The following MORC1 variants were observed in gnomAD, a reference collection of about 807,000 sequenced individuals.
The protein encoded by MORC1 is MORC family CW-type zinc finger 1.
In MORC1, 59 loss-of-function variants were observed where a neutral mutation model predicts 134.9. The ratio of observed to expected loss-of-function variants is 0.44; its 90% CI spans 0.35 to 0.54. MORC1 has a LOEUF of 0.54. MORC1 is among the 20% of genes least tolerant of loss of function. MORC1 has a pLI of 0.00. For missense variants in MORC1, 947 were observed against 1,134.5 expected (o/e 0.83, Z 2.37); for synonymous variants, 395 against 391.7 (o/e 1.01, Z -0.10).
chr3:109,078,116 C>A (rs1950457140), intron 8 of MORC1, among the ~76,000 whole-genome samples: 1 of 151,900 alleles, frequency 6.6e-6, no homozygotes, highest in Non-Finnish European at 1.5e-5. Context: ...AATGTATGTA[C>A]ATAGCAATAA....
chr3:109,090,946 C>T (rs532801898), intron 8 of MORC1, among the ~76,000 whole-genome samples: 59 of 152,056 alleles, frequency 3.9e-4, no homozygotes, highest in Admixed American at 3.3e-3. Context: ...ATTAGAGGTT[C>T]AAATATCAGA....
rs548388585 is a variant in MORC1 at position 109,067,156 on chromosome 3, A to C, written c.815+2476T>G. Reference sequence around the variant, plus strand: ...AAAAAGGACCATGCGGTTCCTATGAATGCACAGTAACACCCATCCCAACTC... The same window carrying C: ...AAAAAGGACCATGCGGTTCCTATGACTGCACAGTAACACCCATCCCAACTC... On this transcript the variant is annotated intron_variant, in intron 9 of 27. Coordinates refer to ENST00000232603, the MANE Select transcript of MORC1 (RefSeq NM_014429.4). Among the ~76,000 whole-genome samples, 3 of 152,312 alleles carry C rather than the reference A, an allele frequency of 2.0e-5. No homozygotes were observed. The East Asian group carries it at 5.8e-4, about 29-fold the overall frequency.
intron 21 of MORC1, 133 bp downstream of exon 21, chr3:109,000,424 G>T: frequency 1.6e-6 from 1 of 639,828 alleles, no homozygotes; most frequent in East Asian, 2.8e-5. Flanking sequence ...AAACTTTTCT[G>T]AGTCTTATTT....
At chr3:108,978,573 G>T (rs1482898354) in intron 24 of MORC1, among the ~76,000 whole-genome samples, 1 of 152,144 alleles carries the variant, frequency 6.6e-6, no homozygotes, top group Non-Finnish European at 1.5e-5. Context: ...GTCTACTGGG[G>T]TTAGCAGTCT....
Position 109,093,555 on chromosome 3 carries a change from A to C in MORC1, c.584-14T>G, listed in dbSNP as rs780498632. On this transcript the variant is annotated splice_polypyrimidine_tract_variant and intron_variant, in intron 7 of 27. Coordinates refer to ENST00000232603, the MANE Select transcript of MORC1 (RefSeq NM_014429.4). The stretch of plus-strand genomic sequence containing the variant: ...CCAGCAAAGTACCTGGTAGAAAAAT[A>C]GATGTTTGACTTGTCAGTATTTTAA... 1.4e-5 allele frequency: 22 copies of C among 1,559,684 alleles called. No individual in the cohort carries two copies. Among genetic ancestry groups the C allele is most frequent in the South Asian group, 3.3e-5 (3 of 89,860 alleles).
intron 11 of MORC1, among the ~76,000 whole-genome samples, chr3:109,060,374 C>A (rs1439234661): frequency 5.9e-5 from 9 of 151,620 alleles, no homozygotes; most frequent in Non-Finnish European, 2.9e-5. Context: ...TTATAGGATA[C>A]CCCATGCCCA....
intron 17 of MORC1, among the ~76,000 whole-genome samples, chr3:109,017,428 CAT>C (rs1044853753): frequency 3.3e-5 from 5 of 152,100 alleles, no homozygotes; most frequent in Admixed American, 6.6e-5. Context: ...TAAATTTGCA[CAT>C]GTTAAGTGTA....
chr3:108,999,259 C>T (rs1333408687), intron 21 of MORC1, among the ~76,000 whole-genome samples: 1 of 152,094 alleles, frequency 6.6e-6, no homozygotes, highest in Non-Finnish European at 1.5e-5. Context: ...ATTATGTCTG[C>T]ACCTTTTTAA....
intron 5 of MORC1, 28 bp downstream of exon 5, chr3:109,100,389 T>C (rs775015702): frequency 6.6e-7 from 1 of 1,508,976 alleles, no homozygotes; most frequent in South Asian, 1.1e-5. Flanking sequence ...ATCAATAATA[T>C]ATGTCTTAAG....
chr3:109,099,353 C>T lies in MORC1; in HGVS notation c.423+5G>A, dbSNP rs1576742517. ...TGGGAACAGAAGGAAAACTTCAACTCTTACCTCACTAAGACTTTCTTCTTC... is the reference window on the plus strand; with the variant it reads ...TGGGAACAGAAGGAAAACTTCAACTTTTACCTCACTAAGACTTTCTTCTTC... On this transcript the variant is annotated splice_donor_5th_base_variant and intron_variant, in intron 6 of 27. Transcript: ENST00000232603. The T allele has an allele frequency of 6.3e-7, 1 of 1,599,932 alleles. No homozygotes were observed. Among genetic ancestry groups the T allele is most frequent in the Non-Finnish European group, 8.5e-7 (1 of 1,172,434 alleles).
intron 14 of MORC1, among the ~76,000 whole-genome samples, chr3:109,053,211 G>C (rs1464599141): frequency 2.6e-5 from 4 of 152,052 alleles, no homozygotes; most frequent in African/African-American, 9.7e-5. Flanking sequence ...AACCAGTCTG[G>C]AGATTTCTTT....
In MORC1 at chr3:109,085,150, G is replaced by A. The variant is rs985117735; in HGVS notation, c.689+8286C>T. ...TGTCTGTCTGTGTATGTGTCTGTGT[G>A]TGTGTGTCTATCTGTGTATGTGTCT... On this transcript the variant is annotated intron_variant, in intron 8 of 27. Coordinates refer to ENST00000232603, the MANE Select transcript of MORC1 (RefSeq NM_014429.4). 5.2e-4 allele frequency among the ~76,000 whole-genome samples: 79 copies of A among 151,804 alleles called. 1 individual carries two copies. Among genetic ancestry groups the A allele is most frequent in the Admixed American group, 3.9e-4 (6 of 15,230 alleles).
At chr3:108,979,014 T>C (rs559502409) in intron 24 of MORC1, among the ~76,000 whole-genome samples, 2 of 152,262 alleles carry the variant, frequency 1.3e-5, no homozygotes, top group South Asian at 4.1e-4. Flanking sequence ...AAACCCTGAA[T>C]CATGAACTTT....
At chr3:109,083,058 A>C (rs1364201928) in intron 8 of MORC1, among the ~76,000 whole-genome samples, 1 of 152,214 alleles carries the variant, frequency 6.6e-6, no homozygotes, top group Non-Finnish European at 1.5e-5. Context: ...TAACACATAA[A>C]GGAGCTCCAA....
At chr3:108,975,746 A>G (rs1367315319) in intron 24 of MORC1, among the ~76,000 whole-genome samples, 1 of 152,116 alleles carries the variant, frequency 6.6e-6, no homozygotes. Flanking sequence ...TAAGTGCATA[A>G]CAAATATGTA....
intron 8 of MORC1, among the ~76,000 whole-genome samples, chr3:109,082,249 T>C (rs1315561726): frequency 1.3e-5 from 2 of 149,346 alleles, no homozygotes; most frequent in Non-Finnish European, 3.0e-5. Context: ...GGAGAAAAAT[T>C]TAAAAAAAAA....
chr3:109,028,418 C>T (rs899109073), intron 16 of MORC1, among the ~76,000 whole-genome samples: 12 of 152,154 alleles, frequency 7.9e-5, no homozygotes, highest in African/African-American at 2.9e-4. Flanking sequence ...GTTAAAGCCC[C>T]TTCCCCAAAT....
chr3:109,093,452 C>G lies in MORC1; in HGVS notation c.673G>C (p.Ala225Pro). 1 of 1,612,756 alleles carries G rather than the reference C, an allele frequency of 6.2e-7. No homozygotes were observed. Among genetic ancestry groups the G allele is most frequent in the Non-Finnish European group, 8.5e-7 (1 of 1,178,842 alleles). The change falls in exon 8 of 28, where the codon GCT (alanine) becomes CCT (proline). Residue 225 changes from alanine (A) to proline (P), a missense_variant. By Grantham distance (27) the Ala-to-Pro change is conservative. Around this residue, in one of 3 missense-constraint regions of MORC1, gnomAD observed 214 missense variants for 281.3 expected, o/e 0.76. Coordinates refer to ENST00000232603, the MANE Select transcript of MORC1 (RefSeq NM_014429.4). ...VKTDKEDILM[A>P]GALEDFPARW... is the part of the protein sequence containing the mutation. ...CACACATACTCCTCCAGAGCTCCAG[C>G]CATCAGTATATCTTCTTTGTCAGTT...
chr3:109,035,636 TATG>T (rs1167458500), intron 14 of MORC1, among the ~76,000 whole-genome samples, 168 bp from the exon 15 acceptor site: 1 of 152,138 alleles, frequency 6.6e-6, no homozygotes, highest in Non-Finnish European at 1.5e-5. Context: ...TGAATAGTGA[TATG>T]ATGAGTGAAA....
Sources: allele counts gnomAD v4.1 joint callset (sites outside exome capture counted in the v4.1 genomes callset), GRCh38; gene constraint gnomAD v4.1.1; regional missense constraint gnomAD v4.1.1; transcripts MANE v1.5; gene names NCBI Gene and HGNC (gene_info 2026-07-23, HGNC 2026-07-21).